Variants in SOX6 observed in about 807,000 individuals in gnomAD.
SOX6 encodes SRY-box transcription factor 6.
In SOX6, 11 loss-of-function variants were observed where a neutral mutation model predicts 97.8. The ratio of observed to expected loss-of-function variants is 0.11; its 90% CI spans 0.07 to 0.19. The LOEUF (loss-of-function observed/expected upper bound fraction) is 0.19, where lower values mean the gene tolerates loss of function less well. Among genes scored for constraint, SOX6 ranks in the 10% least tolerant of loss-of-function variants. The pLI is 1.00. For synonymous variants in SOX6, 360 were observed against 371.4 expected, an observed-to-expected ratio of 0.97 and a Z score of 0.35; for missense variants, 810 against 1,039.5, an observed-to-expected ratio of 0.78 and a Z score of 3.04.
intron 3 of SOX6, among the ~76,000 whole-genome samples, chr11:16,245,523 G>A (rs1054580298): frequency 4.0e-5 from 6 of 151,682 alleles, no homozygotes; most frequent in Non-Finnish European, 8.9e-5. Context: ...AAAGAGGTGT[G>A]TTAAAATCAC....
intron 1 of SOX6, among the ~76,000 whole-genome samples, chr11:16,455,821 T>C (rs1333037040): frequency 6.6e-6 from 1 of 152,152 alleles, no homozygotes; most frequent in Non-Finnish European, 1.5e-5. Context: ...TACTTAACTA[T>C]TATATGTATT....
At chr11:16,622,627 C>A (rs367990318) in intron 3 of SOX6, among the ~76,000 whole-genome samples, 2 of 152,182 alleles carry the variant, frequency 1.3e-5, no homozygotes, top group African/African-American at 4.8e-5. Context: ...GAGTAGTATT[C>A]CATCATATAT....
At chr11:16,359,123 C>T (rs528592840), upstream of SOX6, among the ~76,000 whole-genome samples, 20 of 151,980 alleles carry the variant, frequency 1.3e-4, no homozygotes, top group Non-Finnish European at 2.6e-4. Flanking sequence ...GGAACAAATA[C>T]CTCATTTTGG....
chr11:16,560,893 T>A (rs1847807746), intron 4 of SOX6, among the ~76,000 whole-genome samples: 1 of 152,158 alleles, frequency 6.6e-6, no homozygotes, highest in African/African-American at 2.4e-5. Flanking sequence ...ATATCATATG[T>A]TCTCACTTTT....
chr11:16,126,642 C>G (rs1723011292), intron 6 of SOX6, among the ~76,000 whole-genome samples: 1 of 152,096 alleles, frequency 6.6e-6, no homozygotes, highest in East Asian at 1.9e-4. Context: ...CAATCTCTGA[C>G]AAAGCAGACT....
At chr11:16,195,047 C>G (rs939639209) in intron 4 of SOX6, among the ~76,000 whole-genome samples, 3 of 152,184 alleles carry the variant, frequency 2.0e-5, no homozygotes, top group African/African-American at 7.2e-5. Flanking sequence ...ACAATTAAAT[C>G]ATTTGTGTCA....
intron 3 of SOX6, among the ~76,000 whole-genome samples, chr11:16,275,410 C>A (rs890275577): frequency 1.3e-5 from 2 of 151,860 alleles, no homozygotes; most frequent in Admixed American, 6.6e-5. Flanking sequence ...GAGCCGAGAT[C>A]GTGCCACTGC....
chr11:16,193,547 C>T (rs1851688587), intron 4 of SOX6, among the ~76,000 whole-genome samples: 1 of 152,132 alleles, frequency 6.6e-6, no homozygotes, highest in South Asian at 2.1e-4. Flanking sequence ...CTTAATCGGA[C>T]TTAATGAAAT....
At chr11:16,215,548 G>T (rs540800796) in intron 4 of SOX6, among the ~76,000 whole-genome samples, 3 of 152,170 alleles carry the variant, frequency 2.0e-5, no homozygotes, top group Admixed American at 2.0e-4. Flanking sequence ...GACTTATCTA[G>T]GCACCCTGTC....
chr11:16,179,141 C>T (rs970965357), intron 6 of SOX6, among the ~76,000 whole-genome samples: 14 of 151,854 alleles, frequency 9.2e-5, no homozygotes, highest in African/African-American at 3.4e-4. Flanking sequence ...CCTGAAATGC[C>T]TGTAGTTAAT....
At chr11:16,253,843 C>T (rs1451214402) in intron 3 of SOX6, among the ~76,000 whole-genome samples, 1 of 152,046 alleles carries the variant, frequency 6.6e-6, no homozygotes, top group Non-Finnish European at 1.5e-5. Context: ...TAATGTCAGA[C>T]ACCAAACCAC....
chr11:16,102,996 C>T (rs190636261), intron 7 of SOX6, among the ~76,000 whole-genome samples: 228 of 151,980 alleles, frequency 1.5e-3, no homozygotes, highest in Non-Finnish European at 2.6e-3. Flanking sequence ...AACCCAAAAG[C>T]AAATGCAACA....
At chr11:16,362,281 C>T (rs1403861294) in intron 1 of SOX6, among the ~76,000 whole-genome samples, 1 of 152,140 alleles carries the variant, frequency 6.6e-6, no homozygotes, top group Non-Finnish European at 1.5e-5. Context: ...AGAATCTCCA[C>T]ATTTCCCCCT....
intron 1 of SOX6, among the ~76,000 whole-genome samples, chr11:16,426,027 T>C (rs113374024): frequency 0.042 from 6,354 of 151,222 alleles, 427 homozygotes; most frequent in African/African-American, 0.14. Flanking sequence ...GAGGCCGAGA[T>C]GGGTGGATCA....
At chr11:16,143,146 G>T (rs191044759) in intron 6 of SOX6, among the ~76,000 whole-genome samples, 1 of 152,156 alleles carries the variant, frequency 6.6e-6, no homozygotes, top group East Asian at 1.9e-4. Context: ...GACTAACAGC[G>T]GATCTCTCAG....
At chr11:16,143,917 C>G (rs1273813097) in intron 6 of SOX6, among the ~76,000 whole-genome samples, 1 of 152,008 alleles carries the variant, frequency 6.6e-6, no homozygotes, top group Non-Finnish European at 1.5e-5. Context: ...ACTTTAACAC[C>G]CCACTGTCAA....
chr11:16,676,310 T>C (rs1847884382), intron 3 of SOX6, among the ~76,000 whole-genome samples: 1 of 152,226 alleles, frequency 6.6e-6, no homozygotes, highest in African/African-American at 2.4e-5. Context: ...ATCAGTCTCA[T>C]GGTTTCCTTA....
intron 6 of SOX6, among the ~76,000 whole-genome samples, chr11:16,136,156 C>G (rs1265209304): frequency 6.6e-6 from 1 of 151,412 alleles, no homozygotes; most frequent in African/African-American, 2.4e-5. Flanking sequence ...GTAGCTGGGA[C>G]TACAGTTGCG....
At position 16,610,207 on chromosome 11, in the gene SOX6, TC is replaced by T. The variant is rs1848380209; in HGVS notation, n.609+1873del. Among the ~76,000 whole-genome samples the T allele has an allele frequency of 6.6e-6, 1 of 152,018 alleles. No homozygotes were observed. Among genetic ancestry groups the T allele is most frequent in the Non-Finnish European group, 1.5e-5 (1 of 67,984 alleles). On this transcript the variant is annotated intron_variant and non_coding_transcript_variant, in intron 4 of 5. Coordinates refer to the SOX6 transcript ENST00000524520. This position sits in a 1 kb window ranked among gnomAD's most constrained non-coding sequence, Gnocchi z 4.4. Reference sequence around the variant, plus strand: ...AAAACCTCTCCAAAGCCTAAAGAGGTCATCATTGAAGGACCTGTCCTAAATG... The same window carrying T: ...AAAACCTCTCCAAAGCCTAAAGAGGTATCATTGAAGGACCTGTCCTAAATG...
Sources: allele counts gnomAD v4.1 joint callset (sites outside exome capture counted in the v4.1 genomes callset), GRCh38; gene constraint gnomAD v4.1.1; non-coding constraint Gnocchi (gnomAD v3.1); transcripts MANE v1.5; gene names NCBI Gene and HGNC (gene_info 2026-07-23, HGNC 2026-07-21).